IQCN: variants seen among roughly 807,000 people sequenced by gnomAD.
IQCN encodes IQ domain-containing protein N.
A neutral mutation model predicts 64.4 loss-of-function variants in IQCN; 46 were observed. The ratio of observed to expected loss-of-function variants is 0.71; its 90% CI spans 0.56 to 0.91. The LOEUF (loss-of-function observed/expected upper bound fraction) is 0.91. Ranked by LOEUF, IQCN falls within the 40% of genes least tolerant of loss-of-function variation. The pLI, the probability that IQCN is intolerant of heterozygous loss-of-function variation, is 0.00. For synonymous variants in IQCN, 733 were observed against 775.6 expected, an observed-to-expected ratio of 0.95 and a Z score of 0.91; for missense variants, 1,753 against 1,857.4, an observed-to-expected ratio of 0.94 and a Z score of 1.03.
chr19:18,257,490 G>T lies in IQCN; in HGVS notation c.3794C>A (p.Thr1265Asn). The change falls in exon 4 of 4, where the codon ACC (threonine) becomes AAC (asparagine). Residue 1265 changes from threonine to asparagine, a missense_variant. Thr to Asn is a moderately conservative substitution (Grantham distance 65). Transcript: ENST00000392413. ...CTGGCCCATGCCCTGCACCACACGG[G>T]TGGGCTGTGTGCGTCCACAGGTATG... Reference protein sequence around the residue: ...TCHTCGRTQPTRVVQGMGQGT... With the variant: ...TCHTCGRTQPNRVVQGMGQGT... 1 of 1,609,126 alleles carries T rather than the reference G, an allele frequency of 6.2e-7. No homozygotes were observed. Among genetic ancestry groups the T allele is most frequent in the Non-Finnish European group, 8.5e-7 (1 of 1,178,112 alleles).
chr19:18,261,696 TC>T (rs1310676998), intron 3 of IQCN: 7 of 144,684 alleles, frequency 4.8e-5, no homozygotes, highest in South Asian at 4.3e-4. Context: ...GCTTGGAGAC[TC>T]CCCAGTGACC....
Position 18,267,506 on chromosome 19 carries a change from T to C in IQCN, c.34A>G (p.Asn12Asp). The change falls in exon 3 of 4, where the codon AAT (asparagine) becomes GAT (aspartate). Residue 12 changes from asparagine to aspartate, a missense_variant. Asn to Asp is a conservative substitution (Grantham distance 23). Coordinates refer to ENST00000392413, the MANE Select transcript of IQCN (RefSeq NM_001145304.2). ...AGGCGGCCGGCTGCATTGCCTTGAT[T>C]ACCGGACAGGTCAGCTCTGCCTGTG... ...TLQGRADLSG[N>D]QGNAAGRLAT... 1 of 1,527,518 alleles carries C rather than the reference T, an allele frequency of 6.5e-7. No individual in the cohort carries two copies. Among genetic ancestry groups the C allele is most frequent in the Non-Finnish European group, 8.8e-7 (1 of 1,140,640 alleles). 94.6% of individuals were successfully genotyped at this position (1,527,518 alleles called of 1,614,324 possible).
At position 18,266,875 on chromosome 19, in the gene IQCN, G is replaced by T; in HGVS notation, c.665C>A (p.Pro222His). Residue 222 changes from proline (P) to histidine (H), a missense_variant, in exon 3 of 4, where the codon CCC becomes CAC. Physicochemically the swap from Pro to His is moderately conservative, Grantham distance 77. Coordinates refer to ENST00000392413, the MANE Select transcript of IQCN (RefSeq NM_001145304.2). This position sits in a 1 kb window ranked among gnomAD's most constrained non-coding sequence, Gnocchi z 4.3. ...GGCAGCATGAGGACCCTGCACACAG[G>T]GCTCTGGGGTACCCTGAGCTGCTGG... ...QPPAAQGTPEPCVQGPHAARV... is the reference protein window; with the variant it reads ...QPPAAQGTPEHCVQGPHAARV... 6.2e-7 allele frequency: 1 copy of T among 1,612,066 alleles called. No homozygotes were observed. The highest frequency in any genetic ancestry group is 1.1e-5 in the South Asian group (1 of 90,932).
At chr19:18,272,846 G>C (rs145047623) in intron 1 of IQCN, among the ~76,000 whole-genome samples, 7 of 151,492 alleles carry the variant, frequency 4.6e-5, no homozygotes, top group Middle Eastern at 3.2e-3. Flanking sequence ...TCCTGACCTC[G>C]TGATTCGCCC....
At chr19:18,260,406 C>G (rs1364808665) in intron 3 of IQCN, 1 of 152,544 alleles carries the variant, frequency 6.6e-6, no homozygotes, top group African/African-American at 2.4e-5. Flanking sequence ...TGAGTCCACC[C>G]TTGAACACTG....
chr19:18,272,135 TTTC>T (rs1469290066), intron 1 of IQCN, among the ~76,000 whole-genome samples: 3 of 137,548 alleles, frequency 2.2e-5, no homozygotes, highest in African/African-American at 7.7e-5. Context: ...CCTTTTTTTT[TTTC>T]TCTCTCTCTT....
Position 18,257,551 on chromosome 19 carries a change from C to A in IQCN, c.3733G>T (p.Val1245Leu), listed in dbSNP as rs183169668. 2 of 1,612,404 alleles carry A rather than the reference C, an allele frequency of 1.2e-6. No homozygotes were observed. Among genetic ancestry groups the A allele is most frequent in the Non-Finnish European group, 8.5e-7 (1 of 1,179,756 alleles). Residue 1245 changes from valine to leucine, a missense_variant, in exon 4 of 4, where the codon GTG (valine) becomes TTG (leucine). Transcript: ENST00000392413. ...GGGCTGGAGCCCACTAGCATCACCA[C>A]GCTGGGCGGGCTCCCGATCCTGGAG... ...LSSRIGSPPS[V>L]VMLVGSSPRT...
At position 18,265,114 on chromosome 19, in the gene IQCN, TG is replaced by T; in HGVS notation, c.2425del (p.His809ThrfsTer65). On this transcript the variant is annotated frameshift_variant, in exon 3 of 4. Transcript: ENST00000392413. LOFTEE classifies it high-confidence loss of function. This position sits in a 1 kb window ranked among gnomAD's most constrained non-coding sequence, Gnocchi z 4.7. ...PEDRQTQPQP[H>X]GHVPGKTTQG... ...AGTGGTCTTCCCCGGCACGTGTCCGTGGGGCTGTGGCTGGGTCTGTCTGTCC... is the reference window on the plus strand; with the variant it reads ...AGTGGTCTTCCCCGGCACGTGTCCGTGGGCTGTGGCTGGGTCTGTCTGTCC... The T allele has an allele frequency of 6.2e-7, 1 of 1,604,350 alleles. No individual in the cohort carries two copies.
rs539871772 is a variant in IQCN at position 18,262,811 on chromosome 19, G to T, written c.3177+1552C>A. ...CTACCCTACTGGCCAGTGTAGCCTG[G>T]GACACAATTGGGGCCAAGCTCTTGG... On this transcript the variant is annotated intron_variant, in intron 3 of 3. Coordinates refer to ENST00000392413, the MANE Select transcript of IQCN (RefSeq NM_001145304.2). 1.3e-4 allele frequency among the ~76,000 whole-genome samples: 20 copies of T among 152,250 alleles called. No individual in the cohort carries two copies. In the East Asian group the frequency reaches 3.3e-3, roughly 25 times the overall value.
intron 3 of IQCN, chr19:18,261,135 T>C (rs79150009): frequency 0.03 from 4,276 of 140,356 alleles, 66 homozygotes; most frequent in African/African-American, 0.046. Flanking sequence ...TGGTGGGTAA[T>C]CTTGTCTAGG....
At chr19:18,271,432 T>C (rs1188404493) in intron 1 of IQCN, among the ~76,000 whole-genome samples, 1 of 147,942 alleles carries the variant, frequency 6.8e-6, no homozygotes, top group Non-Finnish European at 1.5e-5. Context: ...ATCATACCAT[T>C]GCACACCAGC....
At chr19:18,273,558 C>G (rs1050766802) in intron 1 of IQCN, among the ~76,000 whole-genome samples, 2 of 152,104 alleles carry the variant, frequency 1.3e-5, no homozygotes, top group Non-Finnish European at 2.9e-5. Flanking sequence ...TCTTGAACTC[C>G]TGATCACAGG....
chr19:18,264,954 G>A lies in IQCN; in HGVS notation c.2586C>T (p.Pro862=), dbSNP rs200986231. 72 of 1,610,778 alleles carry A rather than the reference G, an allele frequency of 4.5e-5. No homozygotes were observed. Among genetic ancestry groups the A allele is most frequent in the East Asian group, 2.2e-4 (10 of 44,896 alleles). Residue 862 remains proline, a synonymous_variant, in exon 3 of 4, where the codon CCC becomes CCT. Coordinates refer to ENST00000392413, the MANE Select transcript of IQCN (RefSeq NM_001145304.2). The surrounding 1 kb of genome is among the most constrained non-coding windows in gnomAD (Gnocchi z 4.3). ...CCTCCTGGCAGGGCACCGCCTGGCC[G>A]GGCATTGATGGCTGGGCACGTGTGG... ...NGATRAQPSM[P]GQAVPCQEDT... is the part of the protein sequence containing the mutation.
rs746725575 is a variant in IQCN, at chr19:18,257,392, G to A, written c.3892C>T (p.His1298Tyr). The A allele has an allele frequency of 2.5e-6, 4 of 1,611,126 alleles. No homozygotes were observed. In the Admixed American group the frequency reaches 6.7e-5, roughly 27 times the overall value. ...QLAALSPRQPHRQDKAATAIQ... is the reference protein window; with the variant it reads ...QLAALSPRQPYRQDKAATAIQ... ...GCTGTGGCCGCTTTGTCCTGGCGATGCGGCTGCCTGGGACTCAGGGCAGCC... is the reference window on the plus strand; with the variant it reads ...GCTGTGGCCGCTTTGTCCTGGCGATACGGCTGCCTGGGACTCAGGGCAGCC... Residue 1298 changes from histidine to tyrosine, a missense_variant, in exon 4 of 4, where the codon CAT becomes TAT. Transcript: ENST00000392413.
At chr19:18,272,510 G>T (rs1222331338) in intron 1 of IQCN, among the ~76,000 whole-genome samples, 4 of 152,250 alleles carry the variant, frequency 2.6e-5, no homozygotes, top group East Asian at 3.9e-4. Context: ...ACAGGACCAC[G>T]TTCTGGATCC....
rs1568278900 is a variant in IQCN, at chr19:18,265,205, TG to T, written c.2334del (p.Lys779ArgfsTer95). ...CGCTGGCAGGCGTGGTTGGACACCT[TG>T]GACCCTGTTAGGAGCACCTGGGAGT... ...NTHSQVLLTGSKVSNHACQRL... is the reference protein window; with the variant it reads ...NTHSQVLLTGXKVSNHACQRL... On this transcript the variant is annotated frameshift_variant, in exon 3 of 4. Coordinates refer to ENST00000392413, the MANE Select transcript of IQCN (RefSeq NM_001145304.2). LOFTEE classifies it high-confidence loss of function. The surrounding 1 kb of genome is among the most constrained non-coding windows in gnomAD (Gnocchi z 4.7). The T allele has an allele frequency of 6.2e-7, 1 of 1,611,712 alleles. No individual in the cohort carries two copies. Among genetic ancestry groups the T allele is most frequent in the Admixed American group, 1.7e-5 (1 of 60,016 alleles).
chr19:18,265,667 C>A lies in IQCN; in HGVS notation c.1873G>T (p.Ala625Ser). The A allele has an allele frequency of 6.2e-7, 1 of 1,614,170 alleles. No individual in the cohort carries two copies. The highest frequency in any genetic ancestry group is 1.6e-4 in the Middle Eastern group (1 of 6,062). The change falls in exon 3 of 4, where the codon GCA becomes TCA. Residue 625 changes from alanine to serine, a missense_variant. By Grantham distance (99) the Ala-to-Ser change is moderately conservative. Transcript: ENST00000392413. The surrounding 1 kb of genome is among the most constrained non-coding windows in gnomAD (Gnocchi z 4.7). ...GATGGAGCCCCAGCCATTTCCACTG[C>A]CACACTGGTCTTAAATGCCATGTCT... ...KTDMAFKTSV[A>S]VEMAGAPSWT...
chr19:18,258,107 C>G lies in IQCN; in HGVS notation c.3178-1G>C. On this transcript the variant is annotated splice_acceptor_variant, in intron 3 of 3. Transcript: ENST00000392413. LOFTEE classifies it high-confidence loss of function. ...CAACCACACCAGCGTCCGCGGGGCC[C>G]TGGAGTATAGTGGAGTTCAGGGATG... is the stretch of plus-strand genomic sequence containing the variant. 1 of 1,608,706 alleles carries G rather than the reference C, an allele frequency of 6.2e-7. No individual in the cohort carries two copies. Among genetic ancestry groups the G allele is most frequent in the Non-Finnish European group, 8.5e-7 (1 of 1,179,988 alleles).
At chr19:18,263,808 C>T (rs995317203) in intron 3 of IQCN, among the ~76,000 whole-genome samples, 12 of 152,124 alleles carry the variant, frequency 7.9e-5, no homozygotes, top group African/African-American at 2.4e-4. Context: ...CCTCCCACCA[C>T]CCACGCTGCA....
Sources: gnomAD v4.1 joint callset for allele counts (sites outside exome capture counted in the v4.1 genomes callset) on GRCh38, gnomAD v4.1.1 for gene constraint, Gnocchi (gnomAD v3.1) non-coding constraint, MANE v1.5 for transcripts, NCBI Gene and HGNC (gene_info 2026-07-23, HGNC 2026-07-21) for gene names.